RMDN2: variants seen among roughly 807,000 people sequenced by gnomAD.
RMDN2 encodes regulator of microtubule dynamics protein 2.
RMDN2 carries 61 observed loss-of-function variants against 52.8 expected under a neutral mutation model. That is an observed-to-expected ratio of 1.16 (90% CI 0.94 to 1.43). The LOEUF (loss-of-function observed/expected upper bound fraction) is 1.43, where lower values mean the gene tolerates loss of function less well. RMDN2 is among the 40% of genes most tolerant of loss of function. The probability of loss-of-function intolerance (pLI) is 0.00; values close to 1 mark genes in which losing one functional copy is unlikely to be tolerated. For synonymous variants in RMDN2, 180 were observed against 153.1 expected, an observed-to-expected ratio of 1.18 and a Z score of -1.30; for missense variants, 592 against 475.3, an observed-to-expected ratio of 1.25 and a Z score of -2.28.
At chr2:38,008,594 G>T (rs936840745) in intron 10 of RMDN2, among the ~76,000 whole-genome samples, 19 of 152,112 alleles carry the variant, frequency 1.2e-4, no homozygotes, top group Non-Finnish European at 2.4e-4. Context: ...TTGAGCCTAT[G>T]TGTGTCTCTG....
Position 37,951,268 on chromosome 2 carries a change from C to T in RMDN2, c.452+21539C>T, listed in dbSNP as rs146510382. 44 of 1,603,460 alleles carry T rather than the reference C, an allele frequency of 2.7e-5. No homozygotes were observed. Among genetic ancestry groups the T allele is most frequent in the Non-Finnish European group, 3.2e-5 (38 of 1,177,006 alleles). On this transcript the variant is annotated intron_variant, in intron 2 of 10. Coordinates refer to ENST00000354545, the MANE Select transcript of RMDN2 (RefSeq NM_001170791.3). ...GAGGACCAGAGCTTCCAACGATGTT[C>T]TCCAGAAGATCAAGTTAGTACAGAC...
At chr2:37,956,255 A>G (rs1188560688) in intron 2 of RMDN2, among the ~76,000 whole-genome samples, 3 of 152,222 alleles carry the variant, frequency 2.0e-5, no homozygotes, top group East Asian at 3.9e-4. Context: ...CAGATTTTCT[A>G]TTTATTCCTG....
chr2:37,977,837 C>G (rs1177670201), intron 4 of RMDN2, among the ~76,000 whole-genome samples: 3 of 146,218 alleles, frequency 2.1e-5, no homozygotes, highest in African/African-American at 5.1e-5. Flanking sequence ...AGTTCCCAGA[C>G]TGGGCGGCCG....
At chr2:37,944,397 A>C (rs1305648957) in intron 2 of RMDN2, among the ~76,000 whole-genome samples, 3 of 151,998 alleles carry the variant, frequency 2.0e-5, no homozygotes, top group Admixed American at 6.6e-5. Context: ...AAACTCTGCC[A>C]TTGTAGTGTG....
In RMDN2 at chr2:37,969,592, TG is replaced by T. The variant is rs1671525751; in HGVS notation, c.453-4447del. Among the ~76,000 whole-genome samples the T allele has an allele frequency of 2.0e-5, 3 of 152,076 alleles. No homozygotes were observed. The South Asian group carries it at 6.2e-4, about 32-fold the overall frequency. On this transcript the variant is annotated intron_variant, in intron 2 of 10. Transcript: ENST00000354545. ...GTTCTAATTACTTATATGTAAATTT[TG>T]TTAGGTCCTCTATTGAATAATCTTC... is the stretch of plus-strand genomic sequence containing the variant.
intron 10 of RMDN2, among the ~76,000 whole-genome samples, chr2:38,035,284 G>T (rs1680496698): frequency 6.6e-6 from 1 of 152,078 alleles, no homozygotes; most frequent in Non-Finnish European, 1.5e-5. Flanking sequence ...TAGGCAAGCA[G>T]AAATTGAAGG....
At chr2:37,995,059 T>C (rs1004540488) in intron 7 of RMDN2, among the ~76,000 whole-genome samples, 1 of 152,166 alleles carries the variant, frequency 6.6e-6, no homozygotes, top group African/African-American at 2.4e-5. Flanking sequence ...ATATATTGGT[T>C]GTTGTGGCAG....
chr2:37,952,396 T>C (rs893870785), intron 2 of RMDN2: 21 of 556,584 alleles, frequency 3.8e-5, no homozygotes, highest in African/African-American at 3.8e-4. Context: ...ACTGATGTTA[T>C]TGGAGTATGG....
rs757883994 is a variant in RMDN2, at chr2:37,975,323, T to C, written c.730+9T>C. The C allele has an allele frequency of 7.0e-7, 1 of 1,434,286 alleles. No homozygotes were observed. Among genetic ancestry groups the C allele is most frequent in the South Asian group, 1.2e-5 (1 of 86,058 alleles). The allele number at this position is 1,434,286 out of a possible 1,614,324, so 88.8% of individuals were successfully genotyped here. A position where few individuals can be genotyped will look rare whatever the true frequency, so the allele number is the denominator to read the frequency against. On this transcript the variant is annotated intron_variant, in intron 4 of 10. Coordinates refer to ENST00000354545, the MANE Select transcript of RMDN2 (RefSeq NM_001170791.3). ...ACATTATGCTAATATTGGTAAGCAT[T>C]TTGTAAAGATTATTCTCAAGTAGCA... is the stretch of plus-strand genomic sequence containing the variant.
chr2:38,012,487 A>G (rs1193817976), intron 10 of RMDN2: 11 of 397,924 alleles, frequency 2.8e-5, no homozygotes, highest in Non-Finnish European at 2.5e-5. Context: ...AATAGTGTCA[A>G]TAGTAATAAT....
downstream of RMDN2, among the ~76,000 whole-genome samples, chr2:38,020,208 T>G (rs1679240872): frequency 6.6e-6 from 1 of 152,118 alleles, no homozygotes; most frequent in Non-Finnish European, 1.5e-5. Context: ...CAGTGTAATA[T>G]ATAATGAAAT....
At chr2:38,025,969 GT>G (rs1176828819) in intron 10 of RMDN2, among the ~76,000 whole-genome samples, 1 of 152,014 alleles carries the variant, frequency 6.6e-6, no homozygotes, top group Non-Finnish European at 1.5e-5. Flanking sequence ...CAGAGAATGA[GT>G]TGAAAAGTAC....
At chr2:38,066,396 C>G (rs1353449847) in intron 10 of RMDN2, among the ~76,000 whole-genome samples, 1 of 152,176 alleles carries the variant, frequency 6.6e-6, no homozygotes, top group Admixed American at 6.5e-5. Flanking sequence ...TCCATAATTC[C>G]AAGTTAAAAA....
rs547462620 is a variant in RMDN2 at position 38,006,391 on chromosome 2, T to G, written c.1179+2175T>G. ...TCTTTTATTTCATTGGAGCAGTGGT[T>G]TGTAGTTCTCCTCGAAGAGGTCCTT... On this transcript the variant is annotated intron_variant, in intron 10 of 10. Transcript: ENST00000354545. 3.9e-3 allele frequency among the ~76,000 whole-genome samples: 601 copies of G among 152,352 alleles called. 2 individuals carry two copies. The highest frequency in any genetic ancestry group is 6.2e-3 in the Non-Finnish European group (420 of 68,032).
chr2:38,025,674 T>A (rs1341508206), intron 10 of RMDN2, among the ~76,000 whole-genome samples: 3 of 152,040 alleles, frequency 2.0e-5, no homozygotes, highest in Non-Finnish European at 4.4e-5. Flanking sequence ...GTTTTTTTTA[T>A]GGAATTAATA....
At chr2:37,927,057 A>C (rs1443798231) in intron 1 of RMDN2, among the ~76,000 whole-genome samples, 1 of 152,250 alleles carries the variant, frequency 6.6e-6, no homozygotes, top group Non-Finnish European at 1.5e-5. Context: ...GTGTTGAAGC[A>C]CATTTGTTTT....
chr2:37,942,511 C>T (rs570752804), intron 2 of RMDN2, among the ~76,000 whole-genome samples: 2 of 152,122 alleles, frequency 1.3e-5, no homozygotes, highest in African/African-American at 4.8e-5. Context: ...CTAAATTATT[C>T]CTTAAAGTGT....
intron 10 of RMDN2, among the ~76,000 whole-genome samples, chr2:38,057,688 A>G (rs1371443389): frequency 6.6e-6 from 1 of 152,158 alleles, no homozygotes; most frequent in Non-Finnish European, 1.5e-5. Context: ...GATTGGATCA[A>G]TGGGCAGAGT....
intron 8 of RMDN2, among the ~76,000 whole-genome samples, chr2:38,003,556 A>G (rs979581718): frequency 1.4e-5 from 2 of 144,648 alleles, no homozygotes; most frequent in African/African-American, 5.1e-5. Flanking sequence ...TGATAGATAG[A>G]TAGATAGATA....
Sources: allele counts gnomAD v4.1 joint callset (sites outside exome capture counted in the v4.1 genomes callset), GRCh38; gene constraint gnomAD v4.1.1; transcripts MANE v1.5; gene names NCBI Gene and HGNC (gene_info 2026-07-23, HGNC 2026-07-21).